The following TK2 variants were observed in gnomAD, a reference collection of about 807,000 sequenced individuals.
TK2 encodes the protein thymidine kinase 2, mitochondrial.
TK2 carries 35 observed loss-of-function variants against 41.9 expected under a neutral mutation model. The ratio of observed to expected loss-of-function variants is 0.84; its 90% CI spans 0.64 to 1.11. The LOEUF (loss-of-function observed/expected upper bound fraction) is 1.11, where lower values mean the gene tolerates loss of function less well. TK2 is among the 50% of genes least tolerant of loss of function. The pLI is 0.00. For missense variants in TK2, 320 were observed against 351.1 expected (o/e 0.91, Z 0.71); for synonymous variants, 128 against 129.1 (o/e 0.99, Z 0.06).
chr16:66,524,574 G>C (rs1462715133), intron 6 of TK2, among the ~76,000 whole-genome samples: 1 of 152,182 alleles, frequency 6.6e-6, no homozygotes, highest in African/African-American at 2.4e-5. Flanking sequence ...CTGGCTTCAA[G>C]TGATCCTTCC....
intron 6 of TK2, among the ~76,000 whole-genome samples, chr16:66,526,541 G>A (rs142378477): frequency 0.023 from 3,570 of 152,308 alleles, 62 homozygotes; most frequent in South Asian, 0.082. Flanking sequence ...CTTGAGCCCA[G>A]GAGTTTGAGA....
Position 66,522,118 on chromosome 16 carries a change from C to A in TK2, c.450-4241G>T, listed in dbSNP as rs150731441. 6.4e-3 allele frequency among the ~76,000 whole-genome samples: 977 copies of A among 152,290 alleles called. 6 individuals carry two copies. Among genetic ancestry groups the A allele is most frequent in the African/African-American group, 0.022 (913 of 41,550 alleles). On this transcript the variant is annotated intron_variant, in intron 6 of 9. Transcript: ENST00000544898. ...GGTCCAAGCCTGGCTCTCCCTACCC[C>A]CAAACCCAAATGCTCTCCATTGCAC...
At chr16:66,528,029 C>T (rs1339344052) in intron 6 of TK2, among the ~76,000 whole-genome samples, 1 of 152,042 alleles carries the variant, frequency 6.6e-6, no homozygotes, top group Non-Finnish European at 1.5e-5. Context: ...CAGACCCTGC[C>T]TCAAAAAACA....
chr16:66,526,264 G>T (rs1017545514), intron 6 of TK2, among the ~76,000 whole-genome samples: 2 of 152,208 alleles, frequency 1.3e-5, no homozygotes, highest in African/African-American at 4.8e-5. Flanking sequence ...CAGGTCCAAA[G>T]GCTCTTCAGA....
At chr16:66,539,881 T>TC (rs1368665704) in intron 3 of TK2, among the ~76,000 whole-genome samples, 2 of 152,052 alleles carry the variant, frequency 1.3e-5, no homozygotes, top group Non-Finnish European at 2.9e-5. Context: ...AATTCCGGAC[T>TC]CCCAGGAAGA....
intron 1 of TK2, 164 bp downstream of exon 1, chr16:66,549,774 C>T (rs1965727810): frequency 5.5e-6 from 7 of 1,280,772 alleles, no homozygotes; most frequent in East Asian, 3.2e-5. Context: ...CGGTCTCGCG[C>T]CCGGGTAACG....
chr16:66,530,050 A>G (rs1965061631), intron 5 of TK2, among the ~76,000 whole-genome samples: 1 of 152,228 alleles, frequency 6.6e-6, no homozygotes, highest in Non-Finnish European at 1.5e-5. Flanking sequence ...GTGCCTGCTC[A>G]GGAAAAGCAA....
chr16:66,512,493 T>G (rs565041834), intron 9 of TK2, among the ~76,000 whole-genome samples: 1 of 152,134 alleles, frequency 6.6e-6, no homozygotes, highest in Non-Finnish European at 1.5e-5. Flanking sequence ...AAAAATCTAC[T>G]ACAGTAGGCC....
At chr16:66,533,880 C>CAT (rs1965195695) in intron 4 of TK2, among the ~76,000 whole-genome samples, 2 of 151,290 alleles carry the variant, frequency 1.3e-5, no homozygotes. Flanking sequence ...TGGTGGTGGG[C>CAT]GCCTGTAGTC....
intron 9 of TK2, 58 bp from the exon 10 acceptor site, chr16:66,512,124 C>T: frequency 6.9e-7 from 1 of 1,457,744 alleles, no homozygotes; most frequent in Non-Finnish European, 9.6e-7. Context: ...ATCCTCCTTT[C>T]ACAGCTGGAG....
chr16:66,516,125 G>A (rs1283145187), intron 8 of TK2, among the ~76,000 whole-genome samples: 2 of 139,000 alleles, frequency 1.4e-5, no homozygotes, highest in African/African-American at 2.6e-5. Context: ...GGGAACAAAG[G>A]TATAAACAAA....
At chr16:66,536,815 C>T in intron 4 of TK2, 149 bp downstream of exon 4, 1 of 943,744 alleles carries the variant, frequency 1.1e-6, no homozygotes, top group Non-Finnish European at 1.7e-6. Flanking sequence ...ACCAACATGC[C>T]ACCATTTTCT....
At chr16:66,527,569 C>T (rs1964972415) in intron 6 of TK2, among the ~76,000 whole-genome samples, 1 of 152,184 alleles carries the variant, frequency 6.6e-6, no homozygotes, top group Non-Finnish European at 1.5e-5. Context: ...AACTTGGTGC[C>T]TGCCCTTAGG....
At chr16:66,537,574 T>C (rs1282910756) in intron 3 of TK2, among the ~76,000 whole-genome samples, 2 of 152,226 alleles carry the variant, frequency 1.3e-5, no homozygotes, top group African/African-American at 2.4e-5. Flanking sequence ...TTGTACCTTT[T>C]AGGATGACTG....
chr16:66,549,040 T>C (rs750496150), intron 1 of TK2, 31 bp from the exon 2 acceptor site: 1 of 1,613,002 alleles, frequency 6.2e-7, no homozygotes, highest in Non-Finnish European at 8.5e-7. Flanking sequence ...GTTTTTAAAC[T>C]CACTTTTAAA....
intron 3 of TK2, among the ~76,000 whole-genome samples, chr16:66,537,303 G>C (rs1965315765): frequency 6.6e-6 from 1 of 152,180 alleles, no homozygotes; most frequent in South Asian, 2.1e-4. Context: ...TGCCCTGGTA[G>C]CCTCCCCAAG....
chr16:66,545,978 A>T (rs1358632817), intron 2 of TK2, among the ~76,000 whole-genome samples: 1 of 152,182 alleles, frequency 6.6e-6, no homozygotes, highest in East Asian at 1.9e-4. Context: ...AGAGATTGCA[A>T]ATGGGCACAA....
intron 1 of TK2, chr16:66,549,354 G>T (rs904374747): frequency 2.2e-4 from 253 of 1,143,340 alleles, no homozygotes; most frequent in Non-Finnish European, 2.7e-4. Flanking sequence ...GGGGAAGAGT[G>T]GGCGGCGGAC....
chr16:66,517,908 C>A lies in TK2; in HGVS notation c.450-31G>T, dbSNP rs1468445068. On this transcript the variant is annotated intron_variant, in intron 6 of 9. Coordinates refer to ENST00000544898, the MANE Select transcript of TK2 (RefSeq NM_004614.5). The surrounding 1 kb of genome is among the most constrained non-coding windows in gnomAD (Gnocchi z 4.3). ...ATGAGAGTTGTAAGGGCTTATTCAC[C>A]TAAGAGAAAACTTCTGGGCTATGCA... 6.3e-7 allele frequency: 1 copy of A among 1,593,674 alleles called. No individual in the cohort carries two copies. Among genetic ancestry groups the A allele is most frequent in the South Asian group, 1.1e-5 (1 of 90,672 alleles).
Sources: gnomAD v4.1 joint callset for allele counts (sites outside exome capture counted in the v4.1 genomes callset) on GRCh38, gnomAD v4.1.1 for gene constraint, Gnocchi (gnomAD v3.1) non-coding constraint, MANE v1.5 for transcripts, NCBI Gene and HGNC (gene_info 2026-07-23, HGNC 2026-07-21) for gene names.